AGMO: variants seen among roughly 807,000 people sequenced by gnomAD.
The protein encoded by AGMO is glyceryl-ether monooxygenase.
In AGMO, 75 loss-of-function variants were observed where a neutral mutation model predicts 60.2. That is an observed-to-expected ratio of 1.25 (90% CI 1.03 to 1.51). The LOEUF is 1.51. Ranked by LOEUF, AGMO falls within the 40% of genes most tolerant of loss-of-function variation. The pLI is 0.00. For synonymous variants in AGMO, 261 were observed against 177.1 expected (o/e 1.47, Z -3.76); for missense variants, 763 against 525.5 (o/e 1.45, Z -4.42).
At chr7:15,272,284 C>A (rs1458589777) in intron 12 of AGMO, among the ~76,000 whole-genome samples, 1 of 117,982 alleles carries the variant, frequency 8.5e-6, no homozygotes, top group East Asian at 3.2e-4. Context: ...CCCCCCTCCC[C>A]CCACCCCACG....
intron 10 of AGMO, among the ~76,000 whole-genome samples, chr7:15,384,983 G>A (rs1487570101): frequency 7.9e-5 from 12 of 151,694 alleles, no homozygotes; most frequent in Admixed American, 7.9e-4. Context: ...ATTTGCACCA[G>A]ACAAATTGGA....
intron 3 of AGMO, among the ~76,000 whole-genome samples, chr7:15,447,391 A>G (rs958537110): frequency 1.3e-5 from 2 of 152,228 alleles, no homozygotes; most frequent in African/African-American, 4.8e-5. Context: ...CACTTGCAAC[A>G]TTAAGTAAAA....
chr7:15,270,262 C>T (rs538460894), intron 12 of AGMO, among the ~76,000 whole-genome samples: 59 of 152,096 alleles, frequency 3.9e-4, no homozygotes, highest in African/African-American at 9.6e-4. Flanking sequence ...TCTGCAACTA[C>T]GCCAACATCT....
intron 12 of AGMO, among the ~76,000 whole-genome samples, chr7:15,322,553 TATAA>T (rs1437224687): frequency 1.7e-4 from 10 of 60,204 alleles, no homozygotes; most frequent in African/African-American, 7.6e-4. Context: ...TATAAATATA[TATAA>T]ATATATAAAT....
At chr7:15,349,309 T>A (rs1453265728) in intron 12 of AGMO, among the ~76,000 whole-genome samples, 2 of 152,150 alleles carry the variant, frequency 1.3e-5, no homozygotes. Context: ...GAGTTCATTT[T>A]AACTTATCTG....
intron 12 of AGMO, among the ~76,000 whole-genome samples, chr7:15,270,981 G>T (rs1583348281): frequency 6.6e-6 from 1 of 151,990 alleles, no homozygotes; most frequent in East Asian, 1.9e-4. Context: ...GTAGGTATGT[G>T]CCTTTATTTC....
intron 12 of AGMO, among the ~76,000 whole-genome samples, chr7:15,260,023 G>A (rs1348879407): frequency 7.3e-6 from 1 of 136,348 alleles, no homozygotes; most frequent in Non-Finnish European, 1.6e-5. Flanking sequence ...ATAACACAAT[G>A]AAAAAAAAAC....
chr7:15,432,017 C>T (rs964768608), intron 3 of AGMO, among the ~76,000 whole-genome samples: 4 of 151,554 alleles, frequency 2.6e-5, no homozygotes, highest in Non-Finnish European at 5.9e-5. Flanking sequence ...ATCGAAATGT[C>T]ACATTATACT....
Position 15,394,186 on chromosome 7 carries a change from A to G in AGMO, c.610-7T>C. On this transcript the variant is annotated splice_polypyrimidine_tract_variant and splice_region_variant and intron_variant, in intron 5 of 12. Coordinates refer to ENST00000342526, the MANE Select transcript of AGMO (RefSeq NM_001004320.2). Reference sequence around the variant, plus strand: ...GACCAAGGTTATTGATGACCTGTTTAAAACAGAAGGAATATTTATACATGT... The same window carrying G: ...GACCAAGGTTATTGATGACCTGTTTGAAACAGAAGGAATATTTATACATGT... 2 of 1,582,178 alleles carry G rather than the reference A, an allele frequency of 1.3e-6. No individual in the cohort carries two copies. The highest frequency in any genetic ancestry group is 1.7e-6 in the Non-Finnish European group (2 of 1,151,502).
At chr7:15,493,499 G>A (rs1396848784) in intron 3 of AGMO, among the ~76,000 whole-genome samples, 5 of 146,630 alleles carry the variant, frequency 3.4e-5, no homozygotes, top group African/African-American at 5.1e-5. Flanking sequence ...TCAGCCTCCC[G>A]CGTAGCTGGG....
chr7:15,395,353 A>G (rs1174703460), intron 5 of AGMO, among the ~76,000 whole-genome samples: 1 of 152,236 alleles, frequency 6.6e-6, no homozygotes. Flanking sequence ...AAATTAAAAA[A>G]AATTTAAGAT....
At chr7:15,448,061 T>C (rs1418353782) in intron 3 of AGMO, among the ~76,000 whole-genome samples, 1 of 152,214 alleles carries the variant, frequency 6.6e-6, no homozygotes, top group African/African-American at 2.4e-5. Context: ...ATGCAGTGTG[T>C]AGGGATTTGA....
At chr7:15,473,718 C>A (rs1240965478) in intron 3 of AGMO, among the ~76,000 whole-genome samples, 1 of 152,020 alleles carries the variant, frequency 6.6e-6, no homozygotes, top group Admixed American at 6.6e-5. Flanking sequence ...CTAGGGAAAT[C>A]AGGCAAGAGA....
intron 12 of AGMO, among the ~76,000 whole-genome samples, chr7:15,301,533 A>C (rs62450301): frequency 0.098 from 14,954 of 151,964 alleles, 771 homozygotes; most frequent in East Asian, 0.19. Context: ...AAATTATACA[A>C]CTAGTTCTCA....
At chr7:15,211,288 G>C (rs1160880428) in intron 12 of AGMO, among the ~76,000 whole-genome samples, 1 of 151,862 alleles carries the variant, frequency 6.6e-6, no homozygotes, top group Non-Finnish European at 1.5e-5. Context: ...TTGCTTAAAA[G>C]ACTCAAATTA....
chr7:15,389,141 C>T (rs1368894798), intron 8 of AGMO, among the ~76,000 whole-genome samples: 1 of 152,182 alleles, frequency 6.6e-6, no homozygotes, highest in Non-Finnish European at 1.5e-5. Flanking sequence ...AGAAATCACC[C>T]ATCAACTGGC....
the AGMO span, among the ~76,000 whole-genome samples, chr7:15,171,210 T>C: frequency 6.6e-6 from 1 of 152,088 alleles, no homozygotes; most frequent in African/African-American, 2.4e-5. Context: ...CTGGATCTCC[T>C]GACCTCGTGA....
intron 12 of AGMO, among the ~76,000 whole-genome samples, chr7:15,245,813 G>A (rs28465293): frequency 2.0e-5 from 3 of 152,034 alleles, no homozygotes; most frequent in African/African-American, 7.2e-5. Flanking sequence ...TCCTCCTTAG[G>A]ATTAGTACAG....
At chr7:15,373,638 A>C (rs756661821) in intron 10 of AGMO, among the ~76,000 whole-genome samples, 25 of 152,130 alleles carry the variant, frequency 1.6e-4, no homozygotes, top group Non-Finnish European at 3.5e-4. Flanking sequence ...AACAAACCTC[A>C]CAAAGGAGGT....
Sources: allele counts gnomAD v4.1 joint callset (sites outside exome capture counted in the v4.1 genomes callset), GRCh38; gene constraint gnomAD v4.1.1; transcripts MANE v1.5; gene names NCBI Gene and HGNC (gene_info 2026-07-23, HGNC 2026-07-21).